KMT5C: variants seen among roughly 807,000 people sequenced by gnomAD.
KMT5C encodes lysine methyltransferase 5C.
A neutral mutation model predicts 38.2 loss-of-function variants in KMT5C; 16 were observed. That is an observed-to-expected ratio of 0.42 (90% CI 0.28 to 0.64). KMT5C has a LOEUF of 0.64. Among genes scored for constraint, KMT5C ranks in the 30% least tolerant of loss-of-function variants. KMT5C has a pLI of 0.23. For synonymous variants in KMT5C, 291 were observed against 279.0 expected, an observed-to-expected ratio of 1.04 and a Z score of -0.43; for missense variants, 598 against 665.1, an observed-to-expected ratio of 0.90 and a Z score of 1.11.
At chr19:55,342,985 T>C in intron 4 of KMT5C, 134 bp downstream of exon 4, 2 of 656,398 alleles carry the variant, frequency 3.0e-6, no homozygotes, top group Non-Finnish European at 5.6e-6. Context: ...CCTAGGAAGG[T>C]GGTGGGGCTA....
At position 55,346,210 on chromosome 19, in the gene KMT5C, C is replaced by A; in HGVS notation, c.571-3C>A. 6.2e-7 allele frequency: 1 copy of A among 1,613,722 alleles called. No individual in the cohort carries two copies. Among genetic ancestry groups the A allele is most frequent in the African/African-American group, 1.3e-5 (1 of 75,030 alleles). On this transcript the variant is annotated splice_region_variant and splice_polypyrimidine_tract_variant and intron_variant, in intron 6 of 8. Transcript: ENST00000255613. ...CAGGGCGCTGAGTGGGCTTGGCCCT[C>A]AGTTTGTGCCTGCAGATGGGAACGC...
At chr19:55,342,892 C>A in intron 4 of KMT5C, 41 bp downstream of exon 4, 2 of 1,214,964 alleles carry the variant, frequency 1.6e-6, no homozygotes, top group Non-Finnish European at 2.4e-6. Flanking sequence ...TTGGAGGAGA[C>A]AGAGCTCAGA....
At position 55,347,411 on chromosome 19, in the gene KMT5C, G is replaced by A. The variant is rs1353181233; in HGVS notation, c.1351G>A (p.Gly451Ser). The change falls in exon 9 of 9, where the codon GGC (glycine) becomes AGC (serine). Residue 451 changes from glycine to serine, a missense_variant. Gly to Ser is a moderately conservative substitution (Grantham distance 56, BLOSUM62 0). Transcript: ENST00000255613. The surrounding 1 kb of genome is among the most constrained non-coding windows in gnomAD (Gnocchi z 4.6). ...PKRLRLVVSH[G>S]SIDLDVGGEE... Reference sequence around the variant, plus strand: ...GCGCCTACGGCTGGTGGTCAGCCACGGCTCCATCGACCTGGATGTCGGCGG... The same window carrying A: ...GCGCCTACGGCTGGTGGTCAGCCACAGCTCCATCGACCTGGATGTCGGCGG... 8 of 1,565,606 alleles carry A rather than the reference G, an allele frequency of 5.1e-6. No individual in the cohort carries two copies. The highest frequency in any genetic ancestry group is 3.6e-5 in the Admixed American group (2 of 55,368).
chr19:55,343,823 C>T lies in KMT5C; in HGVS notation c.530C>T (p.Pro177Leu), dbSNP rs2089587645. The T allele has an allele frequency of 6.2e-7, 1 of 1,613,624 alleles. No individual in the cohort carries two copies. Among genetic ancestry groups the T allele is most frequent in the African/African-American group, 1.3e-5 (1 of 74,914 alleles). The change falls in exon 5 of 9, where the codon CCA (proline) becomes CTA (leucine). Residue 177 changes from proline to leucine, a missense_variant. Physicochemically the swap from Pro to Leu is moderately conservative, Grantham distance 98 (BLOSUM62 -3). Transcript: ENST00000255613. This position sits in a 1 kb window ranked among gnomAD's most constrained non-coding sequence, Gnocchi z 5.5. ...RKRSAQLWLG[P>L]AAFINHDCKP... ...CGGAGTGCTCAGCTGTGGCTGGGCC[C>T]AGCCGCCTTCATCAACCATGGTGAG...
At chr19:55,345,039 A>ACAGACG in intron 6 of KMT5C, 1 of 456,132 alleles carries the variant, frequency 2.2e-6, no homozygotes, top group Non-Finnish European at 4.4e-6. Context: ...GACACCACAC[A>ACAGACG]CAGACGCTGG....
chr19:55,343,652 A>G lies in KMT5C; in HGVS notation c.387-28A>G, dbSNP rs533088655. 13 of 1,548,884 alleles carry G rather than the reference A, an allele frequency of 8.4e-6. No homozygotes were observed. The African/African-American group carries it at 1.5e-4, about 18-fold the overall frequency. Reference sequence around the variant, plus strand: ...ACCTGCAGGAGGCCAGGCATCGCCCACAGCCCTGCCCCCTGGCCTCTTGGC... The same window carrying G: ...ACCTGCAGGAGGCCAGGCATCGCCCGCAGCCCTGCCCCCTGGCCTCTTGGC... On this transcript the variant is annotated intron_variant, in intron 4 of 8. Transcript: ENST00000255613. This position sits in a 1 kb window ranked among gnomAD's most constrained non-coding sequence, Gnocchi z 5.5.
Position 55,343,194 on chromosome 19 carries a change from G to A in KMT5C, c.386+343G>A, listed in dbSNP as rs974855578. 3 of 81,664 alleles carry A rather than the reference G, an allele frequency of 3.7e-5. No individual in the cohort carries two copies. Among genetic ancestry groups the A allele is most frequent in the African/African-American group, 1.8e-4 (2 of 11,110 alleles). 5.1% of individuals were successfully genotyped at this position (81,664 alleles called of 1,614,324 possible). A position where few individuals can be genotyped will look rare whatever the true frequency, so the allele number is the denominator to read the frequency against. ...GAGGAGCCCCTGCCCCTGCCCCTGC[G>A]GGGTTCACAGTCTGGTGAGGAGGTG... On this transcript the variant is annotated intron_variant, in intron 4 of 8. Coordinates refer to ENST00000255613, the MANE Select transcript of KMT5C (RefSeq NM_032701.4). The surrounding 1 kb of genome is among the most constrained non-coding windows in gnomAD (Gnocchi z 5.5).
At chr19:55,345,175 C>T (rs2089603753) in intron 6 of KMT5C, 3 of 410,668 alleles carry the variant, frequency 7.3e-6, no homozygotes, top group Non-Finnish European at 1.5e-5. Flanking sequence ...TCACAGAAGC[C>T]ATGCTGGGCA....
rs1426723646 is a variant in KMT5C, at chr19:55,342,235, G to A, written c.131G>A (p.Arg44Gln). The A allele has an allele frequency of 1.9e-6, 3 of 1,609,996 alleles. No homozygotes were observed. The highest frequency in any genetic ancestry group is 1.7e-5 in the Admixed American group (1 of 59,656). The change falls in exon 3 of 9, where the codon CGA becomes CAA. Residue 44 changes from arginine to glutamine, a missense_variant. Arg to Gln is a conservative substitution (Grantham distance 43). This residue lies in a region of KMT5C where 167 missense variants were observed against 187.8 expected (regional missense o/e 0.89). Transcript: ENST00000255613. ...CCCAGCCCTGTGCCCCCCCTGCGGC[G>A]ACAGCAGCACCTGCGCTCAGCGCTG... is the stretch of plus-strand genomic sequence containing the variant. ...MNVSPVPPLR[R>Q]QQHLRSALET... is the part of the protein sequence containing the mutation.
In KMT5C at chr19:55,346,537, C is replaced by T. The variant is rs774074388; in HGVS notation, c.745C>T (p.Pro249Ser). Reference sequence around the variant, plus strand: ...AGCTTTCCGAACCAGGCCTAGGGAGCCCGCGTTGCCACCACGGCCCCTGGA... The same window carrying T: ...AGCTTTCCGAACCAGGCCTAGGGAGTCCGCGTTGCCACCACGGCCCCTGGA... ...EGAFRTRPREPALPPRPLDKY... is the reference protein window; with the variant it reads ...EGAFRTRPRESALPPRPLDKY... Residue 249 changes from proline (P) to serine (S), a missense_variant, in exon 8 of 9, where the codon CCC becomes TCC. Coordinates refer to ENST00000255613, the MANE Select transcript of KMT5C (RefSeq NM_032701.4). The T allele has an allele frequency of 1.3e-6, 2 of 1,596,764 alleles. No individual in the cohort carries two copies. The highest frequency in any genetic ancestry group is 1.7e-5 in the Admixed American group (1 of 57,702).
At position 55,346,539 on chromosome 19, in the gene KMT5C, C is replaced by A; in HGVS notation, c.747C>A (p.Pro249=). 1 of 1,596,604 alleles carries A rather than the reference C, an allele frequency of 6.3e-7. No homozygotes were observed. The highest frequency in any genetic ancestry group is 8.5e-7 in the Non-Finnish European group (1 of 1,172,208). ...CTTTCCGAACCAGGCCTAGGGAGCCCGCGTTGCCACCACGGCCCCTGGACA... is the reference window on the plus strand; with the variant it reads ...CTTTCCGAACCAGGCCTAGGGAGCCAGCGTTGCCACCACGGCCCCTGGACA... ...EGAFRTRPRE[P]ALPPRPLDKY... The change falls in exon 8 of 9, where the codon CCC becomes CCA. Residue 249 remains proline (P), a synonymous_variant. Transcript: ENST00000255613.
chr19:55,344,194 C>G, intron 6 of KMT5C, 197 bp downstream of exon 6: 1 of 515,256 alleles, frequency 1.9e-6, no homozygotes, highest in East Asian at 3.6e-5. Flanking sequence ...AACCCCATCT[C>G]TACTAAAAAC....
Position 55,342,783 on chromosome 19 carries a change from T to C in KMT5C, c.318T>C (p.Phe106=). ...YLRAFLPESG[F]TILPCTRYSM... ...GTGCCTTCCTGCCGGAAAGTGGCTT[T>C]ACCATCCTGCCCTGCACGCGCTACT... The change falls in exon 4 of 9, where the codon TTT becomes TTC. Residue 106 remains phenylalanine (F), a synonymous_variant. Transcript: ENST00000255613. The C allele has an allele frequency of 6.8e-6, 11 of 1,613,562 alleles. No homozygotes were observed. Among genetic ancestry groups the C allele is most frequent in the Non-Finnish European group, 9.3e-6 (11 of 1,179,606 alleles).
chr19:55,344,862 G>A (rs758459393), intron 6 of KMT5C: 4 of 476,706 alleles, frequency 8.4e-6, no homozygotes, highest in East Asian at 6.7e-5. Flanking sequence ...CATGACAAAG[G>A]GATCCAGATT....
In KMT5C at chr19:55,342,389, GC is replaced by G; in HGVS notation, c.276+12del. 2 of 1,485,232 alleles carry G rather than the reference GC, an allele frequency of 1.3e-6. No homozygotes were observed. Among genetic ancestry groups the G allele is most frequent in the Admixed American group, 4.5e-5 (2 of 44,150 alleles). 92.0% of individuals were successfully genotyped at this position (1,485,232 alleles called of 1,614,324 possible). On this transcript the variant is annotated intron_variant, in intron 3 of 8. Transcript: ENST00000255613. ...CTGCCCTCAAGACCCACGTGAGGGC[GC>G]CCTCCCCTCCCCCGCCCTCACCGCG...
chr19:55,341,715 A>C (rs1328821787), intron 1 of KMT5C, 79 bp from the exon 2 acceptor site: 2 of 575,094 alleles, frequency 3.5e-6, no homozygotes, highest in Admixed American at 3.1e-5. Flanking sequence ...GGCTTTCCCT[A>C]CTCTCAGAAG....
rs1416853888 is a variant in KMT5C, at chr19:55,347,195, C to T, written c.1135C>T (p.Pro379Ser). ...AGAGGCCCTGGTGGCCCTGGGCCAG[C>T]CCCCCCACGCCCGCTGGGCCCCTCA... ...RGEALVALGQ[P>S]PHARWAPQQD... is the part of the protein sequence containing the mutation. The change falls in exon 9 of 9, where the codon CCC (proline) becomes TCC (serine). Residue 379 changes from proline to serine, a missense_variant. Coordinates refer to ENST00000255613, the MANE Select transcript of KMT5C (RefSeq NM_032701.4). The surrounding 1 kb of genome is among the most constrained non-coding windows in gnomAD (Gnocchi z 4.6). The T allele has an allele frequency of 4.6e-6, 7 of 1,537,488 alleles. No individual in the cohort carries two copies. Among genetic ancestry groups the T allele is most frequent in the Non-Finnish European group, 6.1e-6 (7 of 1,146,540 alleles).
At chr19:55,342,713 C>A in intron 3 of KMT5C, 29 bp from the exon 4 acceptor site, 2 of 1,284,724 alleles carry the variant, frequency 1.6e-6, no homozygotes, top group South Asian at 1.2e-5. Flanking sequence ...CCTGCCCCGC[C>A]TCCTCACCCC....
intron 6 of KMT5C, 146 bp from the exon 7 acceptor site, chr19:55,346,067 C>T (rs1417273410): frequency 1.4e-5 from 13 of 924,512 alleles, no homozygotes; most frequent in African/African-American, 5.0e-5. Flanking sequence ...GCAAGGCAGC[C>T]GCCTCGGAAT....
Sources: gnomAD v4.1 joint callset for allele counts on GRCh38, gnomAD v4.1.1 for gene constraint, gnomAD v4.1.1 regional missense constraint, Gnocchi (gnomAD v3.1) non-coding constraint, MANE v1.5 for transcripts, NCBI Gene and HGNC (gene_info 2026-07-23, HGNC 2026-07-21) for gene names.